FMN1: variants seen among roughly 807,000 people sequenced by gnomAD.
FMN1 encodes formin-1.
In FMN1, 110 loss-of-function variants were observed where a neutral mutation model predicts 132.4. That is an observed-to-expected ratio of 0.83 (90% CI 0.71 to 0.97). The LOEUF (loss-of-function observed/expected upper bound fraction) is 0.97. FMN1 is among the 50% of genes least tolerant of loss of function. FMN1 has a pLI of 0.00. For synonymous variants in FMN1, 722 were observed against 651.7 expected, an observed-to-expected ratio of 1.11 and a Z score of -1.64; for missense variants, 1,792 against 1,705.3, an observed-to-expected ratio of 1.05 and a Z score of -0.90.
intron 4 of FMN1, among the ~76,000 whole-genome samples, chr15:33,135,266 A>T (rs1014279277): frequency 6.6e-6 from 1 of 152,180 alleles, no homozygotes; most frequent in African/African-American, 2.4e-5. Context: ...TATTTTTTCA[A>T]AAGGCCAGTG....
At chr15:33,033,321 C>T (rs1338860348) in intron 6 of FMN1, among the ~76,000 whole-genome samples, 2 of 152,166 alleles carry the variant, frequency 1.3e-5, no homozygotes, top group African/African-American at 2.4e-5. Flanking sequence ...TGAGCCACCA[C>T]GCCTGGCTCA....
chr15:33,033,772 C>A (rs77127245), intron 6 of FMN1, among the ~76,000 whole-genome samples: 1 of 151,976 alleles, frequency 6.6e-6, no homozygotes, highest in African/African-American at 2.4e-5. Flanking sequence ...AACTTTTATC[C>A]CGACACCTCC....
chr15:32,770,464 A>G lies in FMN1; in HGVS notation c.*3846T>C, dbSNP rs951733434. On this transcript the variant is annotated 3_prime_UTR_variant, in exon 21 of 21. Coordinates refer to ENST00000616417, the MANE Select transcript of FMN1 (RefSeq NM_001277313.2). ...AAGCAAATCTTTGCCCAAAATAAAC[A>G]TATTTCTTCTGCTACATCTCACTGC... The G allele has an allele frequency of 1.3e-5, 2 of 152,242 alleles. No individual in the cohort carries two copies. The highest frequency in any genetic ancestry group is 6.5e-5 in the Admixed American group (1 of 15,282). 9.4% of individuals were successfully genotyped at this position (152,242 alleles called of 1,614,324 possible). A position where few individuals can be genotyped will look rare whatever the true frequency, so the allele number is the denominator to read the frequency against.
chr15:32,867,125 C>T lies in FMN1; in HGVS notation c.3836-10018G>A, dbSNP rs1175715520. On this transcript the variant is annotated intron_variant, in intron 16 of 20. Transcript: ENST00000616417. ...CCTGAATTCATTACTCTTCACCAGG[C>T]TGCTATAGTCTCAGCCTAACTGTTC... 5.9e-5 allele frequency among the ~76,000 whole-genome samples: 9 copies of T among 152,336 alleles called. No individual in the cohort carries two copies. In the East Asian group the frequency reaches 9.6e-4, roughly 16 times the overall value.
chr15:33,057,475 A>G (rs969648007), intron 6 of FMN1, among the ~76,000 whole-genome samples: 3 of 152,214 alleles, frequency 2.0e-5, no homozygotes, highest in African/African-American at 7.2e-5. Context: ...TATCTCTACA[A>G]TAATTGTTTA....
At chr15:32,991,926 T>A (rs1263445577) in intron 7 of FMN1, among the ~76,000 whole-genome samples, 3 of 152,170 alleles carry the variant, frequency 2.0e-5, no homozygotes, top group Admixed American at 1.3e-4. Flanking sequence ...TTTATTACTG[T>A]GGCTGATTAA....
At chr15:32,931,577 T>C (rs1264378877) in intron 9 of FMN1, among the ~76,000 whole-genome samples, 4 of 152,222 alleles carry the variant, frequency 2.6e-5, no homozygotes, top group Non-Finnish European at 5.9e-5. Flanking sequence ...ATGTTTTTCA[T>C]AGTTCTTCAC....
chr15:32,911,895 C>G (rs1224942344), intron 10 of FMN1, among the ~76,000 whole-genome samples: 1 of 152,154 alleles, frequency 6.6e-6, no homozygotes, highest in East Asian at 1.9e-4. Context: ...CCTCTCAAGA[C>G]TGTTATTTTG....
intron 4 of FMN1, among the ~76,000 whole-genome samples, chr15:33,118,105 A>AT (rs1346043382): frequency 6.6e-6 from 1 of 152,224 alleles, no homozygotes; most frequent in African/African-American, 2.4e-5. Flanking sequence ...GAAAATGTAA[A>AT]TACATGTGCA....
At chr15:32,915,568 C>T (rs1033293355) in intron 10 of FMN1, among the ~76,000 whole-genome samples, 11 of 152,274 alleles carry the variant, frequency 7.2e-5, no homozygotes, top group Non-Finnish European at 1.5e-4. Flanking sequence ...CACAGGCACA[C>T]CGCTCATAAA....
chr15:33,127,583 C>T (rs1471361378), intron 4 of FMN1, among the ~76,000 whole-genome samples: 1 of 152,202 alleles, frequency 6.6e-6, no homozygotes. Context: ...AGTCTGTAAG[C>T]ATCCTAAAGC....
At chr15:33,101,168 G>A (rs529208043) in intron 4 of FMN1, among the ~76,000 whole-genome samples, 3 of 152,120 alleles carry the variant, frequency 2.0e-5, no homozygotes, top group Non-Finnish European at 2.9e-5. Flanking sequence ...ACCACCAAAG[G>A]ATGGTAAGAC....
intron 10 of FMN1, among the ~76,000 whole-genome samples, chr15:32,918,980 C>T (rs147161358): frequency 5.8e-4 from 88 of 152,232 alleles, no homozygotes; most frequent in African/African-American, 2.0e-3. Flanking sequence ...AGAGTGACTA[C>T]TTATATTTAT....
At position 33,098,586 on chromosome 15, in the gene FMN1, C is replaced by T. The variant is rs149275705; in HGVS notation, c.1868-9612G>A. On this transcript the variant is annotated intron_variant, in intron 4 of 20. Coordinates refer to ENST00000616417, the MANE Select transcript of FMN1 (RefSeq NM_001277313.2). ...TTCAAATCCAGTATTCTTACACAGG[C>T]ACTCAGGGCTTTCAGTTAGCTTTTT... Among the ~76,000 whole-genome samples, 341 of 152,306 alleles carry T rather than the reference C, an allele frequency of 2.2e-3. 3 individuals are homozygous for T. Among genetic ancestry groups the T allele is most frequent in the African/African-American group, 7.9e-3 (327 of 41,578 alleles).
intron 3 of FMN1, among the ~76,000 whole-genome samples, chr15:33,179,614 G>C (rs1410244007): frequency 6.6e-6 from 1 of 152,072 alleles, no homozygotes; most frequent in Admixed American, 6.6e-5. Context: ...ATTTCTATTG[G>C]TTACATTCTG....
chr15:33,186,185 A>C (rs113884846), intron 2 of FMN1, among the ~76,000 whole-genome samples: 4 of 152,204 alleles, frequency 2.6e-5, no homozygotes, highest in South Asian at 2.1e-4. Context: ...AAAAAAAAAA[A>C]AAACCTCTCC....
At chr15:32,999,477 G>A (rs537477569) in intron 7 of FMN1, among the ~76,000 whole-genome samples, 1 of 152,218 alleles carries the variant, frequency 6.6e-6, no homozygotes, top group South Asian at 2.1e-4. Context: ...CATTCTCTTG[G>A]GGACAAAAAG....
chr15:33,172,455 G>C (rs1373607265), intron 3 of FMN1, among the ~76,000 whole-genome samples: 1 of 152,226 alleles, frequency 6.6e-6, no homozygotes. Flanking sequence ...TGCGGTGAGA[G>C]TGTTATGTGG....
At chr15:33,100,717 G>A (rs998960008) in intron 4 of FMN1, among the ~76,000 whole-genome samples, 3 of 152,098 alleles carry the variant, frequency 2.0e-5, no homozygotes, top group Non-Finnish European at 4.4e-5. Context: ...ATCCTTCTGT[G>A]AATTTAAGTA....
Sources: allele counts gnomAD v4.1 joint callset (sites outside exome capture counted in the v4.1 genomes callset), GRCh38; gene constraint gnomAD v4.1.1; transcripts MANE v1.5; gene names NCBI Gene and HGNC (gene_info 2026-07-23, HGNC 2026-07-21).